Variants in GJC1 observed in about 807,000 individuals in gnomAD.
GJC1 encodes gap junction protein gamma 1, also known as gap junction gamma-1 protein.
A neutral mutation model predicts 29.3 loss-of-function variants in GJC1; 5 were observed. The observed-to-expected ratio is 0.17, with a 90% confidence interval of 0.09 to 0.36. The LOEUF (loss-of-function observed/expected upper bound fraction) is 0.36, where lower values mean the gene tolerates loss of function less well. Among genes scored for constraint, GJC1 ranks in the 10% least tolerant of loss-of-function variants. GJC1 has a pLI of 1.00. For missense variants in GJC1, 310 were observed against 496.2 expected (o/e 0.62, Z 3.56); for synonymous variants, 177 against 183.3 (o/e 0.97, Z 0.28).
Position 44,799,052 on chromosome 17 carries a change from G to C in GJC1, c.*5575C>G, listed in dbSNP as rs540087670. 1 of 152,204 alleles carries C rather than the reference G, an allele frequency of 6.6e-6. No homozygotes were observed. The highest frequency in any genetic ancestry group is 2.4e-5 in the African/African-American group (1 of 41,414). 9.4% of individuals were successfully genotyped at this position (152,204 alleles called of 1,614,324 possible). On this transcript the variant is annotated 3_prime_UTR_variant, in exon 3 of 3. Transcript: ENST00000592524. ...ACCTAATTTTTATATTTTTAGTAGAGACAGTTTTGCCATGTTGGCCAGGCT... is the reference window on the plus strand; with the variant it reads ...ACCTAATTTTTATATTTTTAGTAGACACAGTTTTGCCATGTTGGCCAGGCT...
At position 44,803,262 on chromosome 17, in the gene GJC1, C is replaced by T. The variant is rs1183611298; in HGVS notation, c.*1365G>A. 2 of 152,180 alleles carry T rather than the reference C, an allele frequency of 1.3e-5. No homozygotes were observed. The highest frequency in any genetic ancestry group is 1.5e-5 in the Non-Finnish European group (1 of 68,040). 9.4% of individuals were successfully genotyped at this position (152,180 alleles called of 1,614,324 possible). On this transcript the variant is annotated 3_prime_UTR_variant, in exon 3 of 3. Transcript: ENST00000592524. ...GAACAAAGTCCCCTTTAAACCTTTA[C>T]CAAGCTCTTTCTCAGAAGCTCACAA...
In GJC1 at chr17:44,799,428, A is replaced by G. The variant is rs1206766787; in HGVS notation, c.*5199T>C. On this transcript the variant is annotated 3_prime_UTR_variant, in exon 3 of 3. Coordinates refer to ENST00000592524, the MANE Select transcript of GJC1 (RefSeq NM_005497.4). ...ACCATGTTGGCCAGGCTTGTTTCAAACTCCTGACCTCTAGTGATCCACCCA... is the reference window on the plus strand; with the variant it reads ...ACCATGTTGGCCAGGCTTGTTTCAAGCTCCTGACCTCTAGTGATCCACCCA... 6.6e-6 allele frequency: 1 copy of G among 151,654 alleles called. No homozygotes were observed. Among genetic ancestry groups the G allele is most frequent in the African/African-American group, 2.4e-5 (1 of 41,226 alleles). 9.4% of individuals were successfully genotyped at this position (151,654 alleles called of 1,614,324 possible).
chr17:44,821,068 G>A (rs1465001467), intron 1 of GJC1, among the ~76,000 whole-genome samples: 1 of 152,216 alleles, frequency 6.6e-6, no homozygotes, highest in Non-Finnish European at 1.5e-5. Flanking sequence ...ATCAACCAAT[G>A]AGGAAACAAA....
At chr17:44,817,834 G>A (rs867084375) in intron 1 of GJC1, among the ~76,000 whole-genome samples, 1 of 151,882 alleles carries the variant, frequency 6.6e-6, no homozygotes, top group Non-Finnish European at 1.5e-5. Flanking sequence ...TTGACCACTC[G>A]CTAGTAAAGA....
chr17:44,816,992 C>A (rs1342458381), intron 1 of GJC1, among the ~76,000 whole-genome samples: 1 of 151,742 alleles, frequency 6.6e-6, no homozygotes, highest in Non-Finnish European at 1.5e-5. Context: ...GGGCGGATCA[C>A]CTGAAGTCAG....
intron 1 of GJC1, among the ~76,000 whole-genome samples, chr17:44,826,968 G>A (rs1461422789): frequency 6.6e-6 from 1 of 152,148 alleles, no homozygotes; most frequent in Non-Finnish European, 1.5e-5. Flanking sequence ...AACGATATCA[G>A]CCAAAATCTA....
chr17:44,816,562 C>T lies in GJC1; in HGVS notation c.-96-9093G>A, dbSNP rs189991426. Reference sequence around the variant, plus strand: ...TGTCGCCCAGGCTGGAGTGCAATGGCGAAGTCTCAGCTCACTGCAACCTCT... The same window carrying T: ...TGTCGCCCAGGCTGGAGTGCAATGGTGAAGTCTCAGCTCACTGCAACCTCT... On this transcript the variant is annotated intron_variant, in intron 1 of 2. Coordinates refer to ENST00000592524, the MANE Select transcript of GJC1 (RefSeq NM_005497.4). Among the ~76,000 whole-genome samples the T allele has an allele frequency of 2.5e-4, 38 of 152,120 alleles. No homozygotes were observed. In the East Asian group the frequency reaches 7.2e-3, roughly 29 times the overall value.
chr17:44,815,618 C>T (rs2050032765), intron 1 of GJC1, among the ~76,000 whole-genome samples: 2 of 152,018 alleles, frequency 1.3e-5, no homozygotes, highest in African/African-American at 2.4e-5. Context: ...GTTTCTAAGA[C>T]AGTAGGATAC....
Position 44,825,188 on chromosome 17 carries a change from CAAAAAAAAA to C in GJC1, c.-97+4865_-97+4873del, listed in dbSNP as rs1162077867. Among the ~76,000 whole-genome samples, 140 of 45,982 alleles carry C rather than the reference CAAAAAAAAA, an allele frequency of 3.0e-3. 1 individual carries two copies. Among genetic ancestry groups the C allele is most frequent in the African/African-American group, 4.1e-3 (40 of 9,776 alleles). The allele number at this position is 45,982 out of a possible 152,430, so 30.2% of individuals were successfully genotyped here. A position where few individuals can be genotyped will look rare whatever the true frequency, so the allele number is the denominator to read the frequency against. ...ACAGAACAAGACTCTGTCTCAATTACAAAAAAAAAAAAAAAAAAAAAAAAAAAAAGGCTG... is the reference window on the plus strand; with the variant it reads ...ACAGAACAAGACTCTGTCTCAATTACAAAAAAAAAAAAAAAAAAAAGGCTG... On this transcript the variant is annotated intron_variant, in intron 1 of 2. Coordinates refer to ENST00000592524, the MANE Select transcript of GJC1 (RefSeq NM_005497.4).
intron 1 of GJC1, among the ~76,000 whole-genome samples, chr17:44,824,070 C>T (rs542190881): frequency 6.1e-4 from 92 of 151,934 alleles, no homozygotes; most frequent in African/African-American, 2.1e-3. Context: ...TGCAGCGGCA[C>T]AATCTCAGCT....
At chr17:44,813,836 CT>C (rs1158642730) in intron 1 of GJC1, among the ~76,000 whole-genome samples, 4 of 151,900 alleles carry the variant, frequency 2.6e-5, no homozygotes, top group African/African-American at 9.7e-5. Context: ...CAAATAATTC[CT>C]GGGAGATGAG....
At chr17:44,798,210 A>AAGGC (rs1358843443), downstream of GJC1, among the ~76,000 whole-genome samples, 8 of 152,208 alleles carry the variant, frequency 5.3e-5, no homozygotes, top group Non-Finnish European at 8.8e-5. Flanking sequence ...GCTATGAAAA[A>AAGGC]AGGCATCTTT....
intron 1 of GJC1, among the ~76,000 whole-genome samples, chr17:44,817,905 T>C (rs775113703): frequency 9.2e-5 from 14 of 151,588 alleles, no homozygotes; most frequent in Non-Finnish European, 1.6e-4. Flanking sequence ...ATCTTCAGGA[T>C]CAGAACAACA....
intron 1 of GJC1, among the ~76,000 whole-genome samples, chr17:44,828,837 C>T (rs918434446): frequency 4.6e-5 from 7 of 151,946 alleles, no homozygotes; most frequent in Non-Finnish European, 1.0e-4. Context: ...AATACCTAAA[C>T]CCTCTCTAGG....
intron 1 of GJC1, among the ~76,000 whole-genome samples, chr17:44,810,162 A>G (rs1288852350): frequency 3.3e-5 from 5 of 150,680 alleles, no homozygotes; most frequent in African/African-American, 9.8e-5. Flanking sequence ...ACGCCCAGCT[A>G]ATTTTGTATT....
At chr17:44,825,186 T>TAC (rs1190510266) in intron 1 of GJC1, among the ~76,000 whole-genome samples, 3 of 24,144 alleles carry the variant, frequency 1.2e-4, no homozygotes, top group African/African-American at 2.0e-4. Flanking sequence ...CTGTCTCAAT[T>TAC]ACAAAAAAAA....
At position 44,799,223 on chromosome 17, in the gene GJC1, T is replaced by C. The variant is rs1338943115; in HGVS notation, c.*5404A>G. ...CACTGGATAACTTTTTTCCTCTTTTTTGGCGACAGTCTTACTCTGTCACCC... is the reference window on the plus strand; with the variant it reads ...CACTGGATAACTTTTTTCCTCTTTTCTGGCGACAGTCTTACTCTGTCACCC... On this transcript the variant is annotated 3_prime_UTR_variant, in exon 3 of 3. Coordinates refer to ENST00000592524, the MANE Select transcript of GJC1 (RefSeq NM_005497.4). The C allele has an allele frequency of 6.6e-6, 1 of 152,142 alleles. No individual in the cohort carries two copies. The highest frequency in any genetic ancestry group is 1.5e-5 in the Non-Finnish European group (1 of 68,078). 9.4% of individuals were successfully genotyped at this position (152,142 alleles called of 1,614,324 possible). A position where few individuals can be genotyped will look rare whatever the true frequency, so the allele number is the denominator to read the frequency against.
intron 1 of GJC1, among the ~76,000 whole-genome samples, chr17:44,821,582 AGC>A (rs2050105872): frequency 6.6e-6 from 1 of 151,402 alleles, no homozygotes; most frequent in Admixed American, 6.6e-5. Context: ...CTGTAATCTC[AGC>A]TACTTGGGAG....
At chr17:44,830,734 C>T (rs2050224451), upstream of GJC1, 1 of 398,698 alleles carries the variant, frequency 2.5e-6, no homozygotes, top group Admixed American at 4.4e-5. The surrounding 1 kb of genome is among the most constrained non-coding windows in gnomAD (Gnocchi z 4.3). Context: ...AATGTCTCCT[C>T]CCAGGTTCTG....
Sources: allele counts gnomAD v4.1 joint callset (sites outside exome capture counted in the v4.1 genomes callset), GRCh38; gene constraint gnomAD v4.1.1; non-coding constraint Gnocchi (gnomAD v3.1); transcripts MANE v1.5; gene names NCBI Gene and HGNC (gene_info 2026-07-23, HGNC 2026-07-21).